CRYBG1: variants seen among roughly 807,000 people sequenced by gnomAD.
CRYBG1 encodes the protein beta/gamma crystallin domain-containing protein 1.
CRYBG1 carries 139 observed loss-of-function variants against 189.2 expected under a neutral mutation model. The observed-to-expected ratio is 0.73, with a 90% CI of 0.64 to 0.85. The LOEUF is 0.85. Ranked by LOEUF, CRYBG1 falls within the 40% of genes least tolerant of loss-of-function variation. CRYBG1 has a pLI of 0.00. For missense variants in CRYBG1, 2,611 were observed against 2,675.8 expected, an observed-to-expected ratio of 0.98 and a Z score of 0.53; for synonymous variants, 1,023 against 1,017.1, an observed-to-expected ratio of 1.01 and a Z score of -0.11.
chr6:106,519,541 G>A lies in CRYBG1; in HGVS notation c.2333G>A (p.Gly778Asp), dbSNP rs1582813635. 2 of 1,614,092 alleles carry A rather than the reference G, an allele frequency of 1.2e-6. No individual in the cohort carries two copies. Among genetic ancestry groups the A allele is most frequent in the South Asian group, 1.1e-5 (1 of 91,076 alleles). Reference protein sequence around the residue: ...NGDSSENQALGPQPNQDDKAD... With the variant: ...NGDSSENQALDPQPNQDDKAD... Reference sequence around the variant, plus strand: ...GACTCTTCTGAGAATCAAGCTCTTGGTCCTCAGCCTAACCAAGATGATAAA... The same window carrying A: ...GACTCTTCTGAGAATCAAGCTCTTGATCCTCAGCCTAACCAAGATGATAAA... The change falls in exon 4 of 22, where the codon GGT (glycine) becomes GAT (aspartate). Residue 778 changes from glycine to aspartate, a missense_variant. By Grantham distance (94) the Gly-to-Asp change is moderately conservative (BLOSUM62 -1). Transcript: ENST00000633556.
At position 106,568,488 on chromosome 6, in the gene CRYBG1, T is replaced by C. The variant is rs1424433808; in HGVS notation, c.6318T>C (p.Asp2106=). The C allele has an allele frequency of 1.9e-6, 3 of 1,613,858 alleles. 1 individual carries two copies. Among genetic ancestry groups the C allele is most frequent in the Admixed American group, 1.7e-5 (1 of 60,030 alleles). ...VLDIKGGTQY[D]QNHIILNTVS... ...TTCTTTTAGGGGGCACACAGTATGA[T>C]CAAAATCACATTATCCTCAACACTG... is the stretch of plus-strand genomic sequence containing the variant. Residue 2106 remains aspartate (D), a synonymous_variant, in exon 22 of 22, where the codon GAT becomes GAC. Transcript: ENST00000633556.
intron 1 of CRYBG1, among the ~76,000 whole-genome samples, chr6:106,373,489 A>T (rs1025866518): frequency 2.0e-5 from 3 of 152,128 alleles, no homozygotes; most frequent in African/African-American, 7.2e-5. Flanking sequence ...GGCGTGAAAG[A>T]TGTAGATCTA....
chr6:106,518,902 C>G (rs1418090390), intron 3 of CRYBG1, among the ~76,000 whole-genome samples: 2 of 151,734 alleles, frequency 1.3e-5, no homozygotes, highest in Non-Finnish European at 2.9e-5. Context: ...GAGGCTGCAG[C>G]AATCTATGAT....
chr6:106,512,017 C>T lies in CRYBG1; in HGVS notation c.900C>T (p.Pro300=), dbSNP rs1484800472. The change falls in exon 3 of 22, where the codon CCC becomes CCT. Residue 300 remains proline, a synonymous_variant. Coordinates refer to ENST00000633556, the MANE Select transcript of CRYBG1 (RefSeq NM_001371242.2). The part of the protein sequence containing the change: ...FLGVRGAPGS[P]TQERPAGGLG... The stretch of plus-strand genomic sequence containing the variant: ...GTGTGAGGGGTGCGCCAGGGTCGCC[C>T]ACCCAGGAGCGGCCCGCGGGAGGAC... 1.3e-6 allele frequency: 2 copies of T among 1,529,390 alleles called. No homozygotes were observed. The highest frequency in any genetic ancestry group is 2.5e-5 in the East Asian group (1 of 40,758). The allele number at this position is 1,529,390 out of a possible 1,614,324, so 94.7% of individuals were successfully genotyped here.
intron 1 of CRYBG1, among the ~76,000 whole-genome samples, chr6:106,375,330 G>A (rs1225591950): frequency 6.6e-6 from 1 of 152,106 alleles, no homozygotes; most frequent in Admixed American, 6.6e-5. Context: ...AAGCTGCAGT[G>A]AGCTGTGATT....
At chr6:106,439,062 A>T (rs1007711093) in intron 1 of CRYBG1, among the ~76,000 whole-genome samples, 12 of 147,700 alleles carry the variant, frequency 8.1e-5, no homozygotes, top group African/African-American at 2.9e-4. Context: ...AAAAAAAAAA[A>T]AAAAGAGAAA....
At chr6:106,564,004 G>A (rs1367396574) in intron 21 of CRYBG1, 78 bp downstream of exon 21, 3 of 1,399,516 alleles carry the variant, frequency 2.1e-6, no homozygotes, top group Non-Finnish European at 2.0e-6. Context: ...CATAACTTTT[G>A]AAAATGATGA....
chr6:106,431,608 A>G (rs1398437349), intron 1 of CRYBG1, among the ~76,000 whole-genome samples: 1 of 152,200 alleles, frequency 6.6e-6, no homozygotes, highest in Non-Finnish European at 1.5e-5. Flanking sequence ...GTTCTGTTTT[A>G]TTGACTTAAT....
rs533650052 is a variant in CRYBG1, at chr6:106,522,962, T to A, written c.4245+1509T>A. On this transcript the variant is annotated intron_variant, in intron 4 of 21. Transcript: ENST00000633556. ...AAATGATTGAGAACCCCAACGAGCT[T>A]TTGTTTGTATGGGTTCTGCCTATCA... is the stretch of plus-strand genomic sequence containing the variant. 5.3e-5 allele frequency among the ~76,000 whole-genome samples: 8 copies of A among 152,308 alleles called. No individual in the cohort carries two copies. The South Asian group carries it at 1.7e-3, about 32-fold the overall frequency.
chr6:106,424,961 G>C (rs12213356), intron 1 of CRYBG1, among the ~76,000 whole-genome samples: 12,547 of 152,116 alleles, frequency 0.082, 653 homozygotes, highest in East Asian at 0.15. Flanking sequence ...GAAAAATCCC[G>C]CAGACTCTCT....
At position 106,519,293 on chromosome 6, in the gene CRYBG1, C is replaced by A; in HGVS notation, c.2085C>A (p.His695Gln). 6.2e-7 allele frequency: 1 copy of A among 1,614,120 alleles called. No individual in the cohort carries two copies. Among genetic ancestry groups the A allele is most frequent in the Non-Finnish European group, 8.5e-7 (1 of 1,180,016 alleles). ...ENKRTNSSPRHTDIRGQRNTP... is the reference protein window; with the variant it reads ...ENKRTNSSPRQTDIRGQRNTP... The stretch of plus-strand genomic sequence containing the variant: ...AACGGACAAACAGTAGCCCAAGACA[C>A]ACTGACATTCGAGGCCAAAGGAATA... The change falls in exon 4 of 22, where the codon CAC becomes CAA. Residue 695 changes from histidine (H) to glutamine (Q), a missense_variant. By Grantham distance (24) the His-to-Gln change is conservative. Around this residue, in one of 3 missense-constraint regions of CRYBG1, gnomAD observed 1,622 missense variants for 1,735.0 expected, o/e 0.93. Transcript: ENST00000633556.
chr6:106,389,907 A>T (rs1374793121), intron 1 of CRYBG1, among the ~76,000 whole-genome samples: 1 of 152,118 alleles, frequency 6.6e-6, no homozygotes. Flanking sequence ...TTAATATGAA[A>T]TATTAACTTT....
At chr6:106,396,136 T>G (rs1233241464) in intron 1 of CRYBG1, among the ~76,000 whole-genome samples, 6 of 152,242 alleles carry the variant, frequency 3.9e-5, no homozygotes, top group African/African-American at 1.4e-4. Flanking sequence ...AGTGCCAGCT[T>G]GTATACTCAT....
chr6:106,558,638 C>G lies in CRYBG1; in HGVS notation c.5855+13C>G, dbSNP rs1194969344. The G allele has an allele frequency of 1.3e-6, 2 of 1,592,008 alleles. No individual in the cohort carries two copies. The highest frequency in any genetic ancestry group is 1.7e-6 in the Non-Finnish European group (2 of 1,171,314). On this transcript the variant is annotated intron_variant, in intron 18 of 21. Coordinates refer to ENST00000633556, the MANE Select transcript of CRYBG1 (RefSeq NM_001371242.2). ...TTATTGGTGGCATGTGAGTTACCTA[C>G]TTGTTGACTCAATAAAATAGATCAT...
At chr6:106,474,103 T>TA (rs1458489788) in intron 2 of CRYBG1, among the ~76,000 whole-genome samples, 2 of 152,226 alleles carry the variant, frequency 1.3e-5, no homozygotes, top group East Asian at 3.8e-4. Context: ...AATGTATCTG[T>TA]AGTCCTTTTA....
intron 1 of CRYBG1, among the ~76,000 whole-genome samples, chr6:106,435,662 C>G (rs1422984536): frequency 6.6e-6 from 1 of 151,932 alleles, no homozygotes; most frequent in African/African-American, 2.4e-5. Flanking sequence ...AGTGCAGTGG[C>G]GTGATCTTAG....
chr6:106,401,390 C>CTT (rs67766893), intron 1 of CRYBG1, among the ~76,000 whole-genome samples: 18 of 140,408 alleles, frequency 1.3e-4, no homozygotes, highest in African/African-American at 4.8e-4. Context: ...CTGAATGATT[C>CTT]TTTTTTTTTT....
rs548180761 is a variant in CRYBG1 at position 106,377,389 on chromosome 6, C to A, written c.173+16308C>A. Among the ~76,000 whole-genome samples the A allele has an allele frequency of 2.0e-5, 3 of 152,138 alleles. 1 individual carries two copies. The South Asian group carries it at 6.2e-4, about 32-fold the overall frequency. Reference sequence around the variant, plus strand: ...ATGTAGCAAAAAGTTAACTTCATTCCGTTTTGCTTCAGCTCTAGATCTGAG... The same window carrying A: ...ATGTAGCAAAAAGTTAACTTCATTCAGTTTTGCTTCAGCTCTAGATCTGAG... On this transcript the variant is annotated intron_variant, in intron 1 of 21. Transcript: ENST00000633556.
At chr6:106,424,601 A>T (rs1312041636) in intron 1 of CRYBG1, among the ~76,000 whole-genome samples, 2 of 152,118 alleles carry the variant, frequency 1.3e-5, no homozygotes, top group African/African-American at 2.4e-5. Context: ...AGCTGAGATT[A>T]CAGGCACCCA....
Sources: gnomAD v4.1 joint callset for allele counts (sites outside exome capture counted in the v4.1 genomes callset) on GRCh38, gnomAD v4.1.1 for gene constraint, gnomAD v4.1.1 regional missense constraint, MANE v1.5 for transcripts, NCBI Gene and HGNC (gene_info 2026-07-23, HGNC 2026-07-21) for gene names.